KIFC3: variants seen among roughly 807,000 people sequenced by gnomAD.
The protein encoded by KIFC3 is kinesin-like protein KIFC3.
KIFC3 carries 60 observed loss-of-function variants against 101.8 expected under a neutral mutation model. The observed-to-expected ratio is 0.59, with a 90% CI of 0.48 to 0.73. The LOEUF is 0.73. Among genes scored for constraint, KIFC3 ranks in the 30% least tolerant of loss-of-function variants. The pLI, the probability that KIFC3 is intolerant of heterozygous loss-of-function variation, is 0.00. For missense variants in KIFC3, 966 were observed against 1,137.1 expected, an observed-to-expected ratio of 0.85 and a Z score of 2.16; for synonymous variants, 476 against 482.7, an observed-to-expected ratio of 0.99 and a Z score of 0.18.
rs1345379681 is a variant in KIFC3, at chr16:57,794,928, C to T, written c.315+71G>A. ...CCCAGGTGCTTCCTACCCCCAGAAG[C>T]CTGGCAGGAACCCAGCCACTGGAGC... On this transcript the variant is annotated intron_variant, in intron 3 of 19. Transcript: ENST00000445690. 3 of 1,394,952 alleles carry T rather than the reference C, an allele frequency of 2.2e-6. No individual in the cohort carries two copies. The African/African-American group carries it at 4.5e-5, about 21-fold the overall frequency. 86.4% of individuals were successfully genotyped at this position (1,394,952 alleles called of 1,614,324 possible).
At chr16:57,810,742 G>C (rs1330846513) in intron 1 of KIFC3, 2 of 949,304 alleles carry the variant, frequency 2.1e-6, no homozygotes, top group Admixed American at 6.2e-5. Context: ...TTTACACACA[G>C]GATTGCCTTT....
intron 3 of KIFC3, among the ~76,000 whole-genome samples, chr16:57,783,472 C>CTTTTTT (rs146386887): frequency 0.021 from 1,765 of 82,418 alleles, 65 homozygotes; most frequent in African/African-American, 0.059. Context: ...ATTTTCTTTT[C>CTTTTTT]TTTTTTTTTT....
At chr16:57,837,806 T>C (rs866139425) in intron 1 of KIFC3, among the ~76,000 whole-genome samples, 1 of 152,014 alleles carries the variant, frequency 6.6e-6, no homozygotes, top group Non-Finnish European at 1.5e-5. Context: ...GAAAACCCCG[T>C]CTGAGAACAT....
Position 57,802,367 on chromosome 16 carries a change from C to A in KIFC3, c.-40+3G>T. The A allele has an allele frequency of 1.0e-6, 1 of 983,544 alleles. No individual in the cohort carries two copies. Among genetic ancestry groups the A allele is most frequent in the South Asian group, 4.7e-5 (1 of 21,294 alleles). The allele number at this position is 983,544 out of a possible 1,614,324, so 60.9% of individuals were successfully genotyped here. On this transcript the variant is annotated splice_donor_region_variant and intron_variant, in intron 1 of 19. Coordinates refer to ENST00000445690, the MANE Select transcript of KIFC3 (RefSeq NM_001130100.2). This position sits in a 1 kb window ranked among gnomAD's most constrained non-coding sequence, Gnocchi z 5.0. ...ACCCAGCCCGCCCGGGCCCCCCACTCACCGGCCTGGCGGAGGCAGGATCCA... is the reference window on the plus strand; with the variant it reads ...ACCCAGCCCGCCCGGGCCCCCCACTAACCGGCCTGGCGGAGGCAGGATCCA...
At chr16:57,765,736 G>A (rs12445947) in intron 10 of KIFC3, 96 bp from the exon 11 acceptor site, 37,922 of 1,227,464 alleles carry the variant, frequency 0.031, 1,421 homozygotes, top group East Asian at 0.16. Flanking sequence ...GTTGACCTAG[G>A]AGTCCCCTGA....
In KIFC3 at chr16:57,760,813, C is replaced by A. The variant is rs1555595871; in HGVS notation, c.2145G>T (p.Gln715His). 1 of 1,613,610 alleles carries A rather than the reference C, an allele frequency of 6.2e-7. No individual in the cohort carries two copies. Among genetic ancestry groups the A allele is most frequent in the East Asian group, 2.2e-5 (1 of 44,876 alleles). Residue 715 changes from glutamine (Q) to histidine (H), a missense_variant, in exon 16 of 20, where the codon CAG becomes CAT. Physicochemically the swap from Gln to His is conservative, Grantham distance 24 (BLOSUM62 0). Around this residue, in one of 2 missense-constraint regions of KIFC3, gnomAD observed 689 missense variants for 884.6 expected, o/e 0.78. Transcript: ENST00000445690. ...GDVIAALRSR[Q>H]GHVPFRNSKL... ...TGGAGTTGCGGAAGGGCACGTGGCCCTGGCGGGAGCGCAGGGCAGCAATGA... is the reference window on the plus strand; with the variant it reads ...TGGAGTTGCGGAAGGGCACGTGGCCATGGCGGGAGCGCAGGGCAGCAATGA...
chr16:57,764,000 A>G, intron 12 of KIFC3, 143 bp downstream of exon 12: 1 of 662,534 alleles, frequency 1.5e-6, no homozygotes. Flanking sequence ...CAGGGCTAAC[A>G]CAGATAACTA....
At chr16:57,834,758 C>T in intron 1 of KIFC3, among the ~76,000 whole-genome samples, 1 of 152,168 alleles carries the variant, frequency 6.6e-6, no homozygotes, top group East Asian at 1.9e-4. Flanking sequence ...CTCAAGCAAT[C>T]CCCTTGCCTC....
intron 2 of KIFC3, 30 bp downstream of exon 2, chr16:57,798,042 T>C (rs782451376): frequency 1.3e-6 from 2 of 1,573,532 alleles, no homozygotes; most frequent in East Asian, 2.3e-5. Flanking sequence ...GGAAGGGAAA[T>C]AAAGAGGCAT....
At chr16:57,819,938 G>A (rs1267125900) in intron 1 of KIFC3, among the ~76,000 whole-genome samples, 2 of 151,698 alleles carry the variant, frequency 1.3e-5, no homozygotes. Context: ...GCACGATCTC[G>A]GCTCACTCCA....
intron 1 of KIFC3, among the ~76,000 whole-genome samples, chr16:57,844,249 G>C (rs1334536058): frequency 2.0e-5 from 3 of 151,724 alleles, no homozygotes; most frequent in Non-Finnish European, 4.4e-5. Context: ...GGCCAACATG[G>C]GGAAGCCCCA....
intron 3 of KIFC3, chr16:57,785,393 G>A (rs2053212892): frequency 2.1e-6 from 2 of 967,568 alleles, no homozygotes; most frequent in East Asian, 7.3e-5. Flanking sequence ...GGGGTCAGGT[G>A]CCCAGGTGAT....
chr16:57,778,918 A>G (rs1213673341), intron 3 of KIFC3, among the ~76,000 whole-genome samples: 1 of 152,232 alleles, frequency 6.6e-6, no homozygotes, highest in Middle Eastern at 3.2e-3. Context: ...AAATAAATAA[A>G]GAAAATGAAA....
In KIFC3 at chr16:57,771,661, C is replaced by A; in HGVS notation, c.407G>T (p.Arg136Leu). The part of the protein sequence containing the change: ...ELGGTDLEKH[R>L]DLLMVENERL... ...CTCATTCTCCACCATCAGCAGGTCC[C>A]GGTGCTTCTCCAAGTCGGTGCCCCC... The change falls in exon 5 of 20, where the codon CGG becomes CTG. Residue 136 changes from arginine to leucine, a missense_variant. Coordinates refer to ENST00000445690, the MANE Select transcript of KIFC3 (RefSeq NM_001130100.2). 1 of 1,612,660 alleles carries A rather than the reference C, an allele frequency of 6.2e-7. No homozygotes were observed. The highest frequency in any genetic ancestry group is 8.5e-7 in the Non-Finnish European group (1 of 1,179,724).
chr16:57,787,440 C>T (rs1000159371), intron 3 of KIFC3, among the ~76,000 whole-genome samples: 2 of 152,150 alleles, frequency 1.3e-5, no homozygotes, highest in Non-Finnish European at 2.9e-5. Flanking sequence ...TGCAGGGGCT[C>T]GCCGGGTCTC....
intron 6 of KIFC3, 94 bp from the exon 7 acceptor site, chr16:57,770,794 G>T: frequency 9.0e-7 from 1 of 1,109,544 alleles, no homozygotes; most frequent in South Asian, 2.3e-5. Context: ...AGGAACTCTC[G>T]GGAACATCCC....
chr16:57,817,256 G>C (rs994450425), intron 1 of KIFC3, among the ~76,000 whole-genome samples: 1 of 152,102 alleles, frequency 6.6e-6, no homozygotes, highest in Non-Finnish European at 1.5e-5. Flanking sequence ...CTACTCAGGA[G>C]GCTGAGGCAG....
Position 57,795,077 on chromosome 16 carries a change from T to C in KIFC3, c.237A>G (p.Pro79=). The C allele has an allele frequency of 1.2e-6, 2 of 1,608,366 alleles. No individual in the cohort carries two copies. Residue 79 remains proline (P), a synonymous_variant, in exon 3 of 20, where the codon CCA becomes CCG. Coordinates refer to ENST00000445690, the MANE Select transcript of KIFC3 (RefSeq NM_001130100.2). The part of the protein sequence containing the change: ...EDSSARSAAR[P]ALAQCRALSV... ...TAAGGGCTCGGCACTGAGCTAGGGC[T>C]GGGCGAGCTGCACTTCGGGCACTGG...
intron 1 of KIFC3, among the ~76,000 whole-genome samples, chr16:57,860,773 C>T (rs528898766): frequency 6.6e-6 from 1 of 152,228 alleles, no homozygotes; most frequent in Admixed American, 6.5e-5. Context: ...AGTACAGTGG[C>T]ACTATCATGG....
Sources: gnomAD v4.1 joint callset for allele counts (sites outside exome capture counted in the v4.1 genomes callset) on GRCh38, gnomAD v4.1.1 for gene constraint, gnomAD v4.1.1 regional missense constraint, Gnocchi (gnomAD v3.1) non-coding constraint, MANE v1.5 for transcripts, NCBI Gene and HGNC (gene_info 2026-07-23, HGNC 2026-07-21) for gene names.